THSD4: variants seen among roughly 807,000 people sequenced by gnomAD.
THSD4 encodes the protein thrombospondin type 1 domain containing 4, also known as thrombospondin type-1 domain-containing protein 4.
In THSD4, 69 loss-of-function variants were observed where a neutral mutation model predicts 119.0. That is an observed-to-expected ratio of 0.58 (90% CI 0.48 to 0.71). The LOEUF (loss-of-function observed/expected upper bound fraction) is 0.71. THSD4 is among the 30% of genes least tolerant of loss of function. THSD4 has a pLI of 0.00. For missense variants in THSD4, 1,393 were observed against 1,391.1 expected (o/e 1.00, Z -0.02); for synonymous variants, 524 against 540.4 (o/e 0.97, Z 0.42).
chr15:71,328,222 C>T lies in THSD4; in HGVS notation c.1015+71507C>T, dbSNP rs76863975. 5.3e-5 allele frequency among the ~76,000 whole-genome samples: 8 copies of T among 152,296 alleles called. No individual in the cohort carries two copies. The East Asian group carries it at 1.5e-3, about 29-fold the overall frequency. On this transcript the variant is annotated intron_variant, in intron 6 of 17. Transcript: ENST00000261862. ...TTTTCTTTTGAGTCCAATCTTCAGT[C>T]AAGCCTTCCGTGTGAATGATAGTGG...
chr15:71,534,324 C>T (rs893021299), intron 7 of THSD4, among the ~76,000 whole-genome samples: 1 of 152,222 alleles, frequency 6.6e-6, no homozygotes, highest in East Asian at 1.9e-4. Flanking sequence ...TCCCTAGACT[C>T]TTGCCAGTAA....
intron 7 of THSD4, among the ~76,000 whole-genome samples, chr15:71,487,491 C>T (rs1233258670): frequency 1.3e-5 from 2 of 152,178 alleles, no homozygotes; most frequent in Admixed American, 6.5e-5. Context: ...TTATGAGCAT[C>T]TTGATAGCTG....
chr15:71,573,843 G>A (rs2049401893), intron 7 of THSD4, among the ~76,000 whole-genome samples: 1 of 152,170 alleles, frequency 6.6e-6, no homozygotes, highest in Non-Finnish European at 1.5e-5. Context: ...TACTAATTGT[G>A]TCGCTTTGAT....
At chr15:71,150,696 G>A (rs962058512) in intron 2 of THSD4, among the ~76,000 whole-genome samples, 1 of 152,204 alleles carries the variant, frequency 6.6e-6, no homozygotes, top group African/African-American at 2.4e-5. Context: ...GCCATATCTT[G>A]TGATCTTCTA....
intron 7 of THSD4, among the ~76,000 whole-genome samples, chr15:71,495,453 A>G (rs1252797865): frequency 6.6e-6 from 1 of 152,000 alleles, no homozygotes. Context: ...CCCTCTCATC[A>G]CTTCACCCTG....
At chr15:71,274,643 T>C (rs963979702) in intron 6 of THSD4, among the ~76,000 whole-genome samples, 9 of 152,148 alleles carry the variant, frequency 5.9e-5, no homozygotes, top group Admixed American at 5.2e-4. Context: ...CCACACCATG[T>C]TTCTCTCTCT....
At chr15:71,188,259 G>A (rs773007526) in intron 3 of THSD4, among the ~76,000 whole-genome samples, 3 of 152,238 alleles carry the variant, frequency 2.0e-5, no homozygotes, top group East Asian at 1.9e-4. Flanking sequence ...CCTTGGCTTC[G>A]AAGGATGATG....
At chr15:71,180,695 T>C (rs1301972938) in intron 3 of THSD4, among the ~76,000 whole-genome samples, 3 of 152,160 alleles carry the variant, frequency 2.0e-5, no homozygotes, top group Non-Finnish European at 2.9e-5. Context: ...TCATTCCATG[T>C]ATATTTAGTT....
intron 2 of THSD4, among the ~76,000 whole-genome samples, chr15:71,145,152 G>A (rs1417521464): frequency 6.6e-6 from 1 of 152,138 alleles, no homozygotes; most frequent in Non-Finnish European, 1.5e-5. Flanking sequence ...TCTGGAGCCA[G>A]TCTGCTTGAC....
chr15:71,341,977 C>T (rs1243722018), intron 6 of THSD4, among the ~76,000 whole-genome samples: 1 of 152,078 alleles, frequency 6.6e-6, no homozygotes, highest in Non-Finnish European at 1.5e-5. Context: ...AAAATTACTC[C>T]ATATCCTACC....
At chr15:71,713,591 C>T (rs943099603) in intron 8 of THSD4, among the ~76,000 whole-genome samples, 1 of 152,134 alleles carries the variant, frequency 6.6e-6, no homozygotes, top group African/African-American at 2.4e-5. Flanking sequence ...TTCACAATCC[C>T]CTCCCATCGC....
At chr15:71,143,819 C>T (rs1363403399) in intron 2 of THSD4, among the ~76,000 whole-genome samples, 1 of 151,620 alleles carries the variant, frequency 6.6e-6, no homozygotes, top group African/African-American at 2.4e-5. Context: ...GATCCTCCAC[C>T]TCTGCCTCCC....
chr15:71,314,228 G>A (rs2045154666), intron 6 of THSD4, among the ~76,000 whole-genome samples: 1 of 151,878 alleles, frequency 6.6e-6, no homozygotes, highest in South Asian at 2.1e-4. Context: ...GTTTGATTTA[G>A]GCTGAAGGAA....
intron 7 of THSD4, among the ~76,000 whole-genome samples, chr15:71,471,044 C>T (rs1039751802): frequency 2.6e-5 from 4 of 152,216 alleles, no homozygotes; most frequent in Non-Finnish European, 5.9e-5. Context: ...GTCTGCTAAG[C>T]AGAGACAAAA....
intron 3 of THSD4, among the ~76,000 whole-genome samples, chr15:71,189,750 G>A (rs1481721439): frequency 6.6e-6 from 1 of 152,090 alleles, no homozygotes; most frequent in East Asian, 1.9e-4. Context: ...TTAAGAATCT[G>A]TGCATTGTTT....
chr15:71,619,997 A>T (rs2050392730), intron 7 of THSD4, among the ~76,000 whole-genome samples: 2 of 152,232 alleles, frequency 1.3e-5, no homozygotes, highest in Admixed American at 6.5e-5. Flanking sequence ...ATTCAGGTGT[A>T]GTCCTAGAAG....
intron 17 of THSD4, among the ~76,000 whole-genome samples, chr15:71,772,499 A>G (rs1226617042): frequency 6.6e-6 from 1 of 152,242 alleles, no homozygotes; most frequent in African/African-American, 2.4e-5. Flanking sequence ...AAACATTAAC[A>G]TGTTCCTGAA....
intron 8 of THSD4, among the ~76,000 whole-genome samples, chr15:71,722,906 A>G (rs1369656904): frequency 6.6e-6 from 1 of 152,116 alleles, no homozygotes; most frequent in African/African-American, 2.4e-5. Context: ...TACCAAACAC[A>G]CTGTTCTGAA....
chr15:71,626,983 A>G (rs1167338739), intron 7 of THSD4, among the ~76,000 whole-genome samples: 2 of 152,226 alleles, frequency 1.3e-5, no homozygotes, highest in East Asian at 3.8e-4. Flanking sequence ...TATTTGAGGA[A>G]GGGAGGTAGG....
Sources: gnomAD v4.1 joint callset for allele counts (sites outside exome capture counted in the v4.1 genomes callset) on GRCh38, gnomAD v4.1.1 for gene constraint, MANE v1.5 for transcripts, NCBI Gene and HGNC (gene_info 2026-07-23, HGNC 2026-07-21) for gene names.